The following PCDHB7 variants were observed in gnomAD, a reference collection of about 807,000 sequenced individuals.
PCDHB7 encodes protocadherin beta 7.
For synonymous variants in PCDHB7, 542 were observed against 463.1 expected (o/e 1.17, Z -2.19); for missense variants, 1,148 against 1,011.6 (o/e 1.13, Z -1.83).
rs1554279961 is a variant in PCDHB7, at chr5:141,173,329, A to ACAGCCTGAGTAACTACACCAT, written c.500_520dup (p.Leu167_Ser173dup). Reference sequence around the variant, plus strand: ...GCACAGGATTCAGATGTTGGAACCAACAGCCTGAGTAACTACACCATCAGC... The same window carrying ACAGCCTGAGTAACTACACCAT: ...GCACAGGATTCAGATGTTGGAACCAACAGCCTGAGTAACTACACCATCAGCCTGAGTAACTACACCATCAGC... On this transcript the variant is annotated inframe_insertion, in exon 1 of 1. Transcript: ENST00000231137. 3.7e-6 allele frequency: 6 copies of ACAGCCTGAGTAACTACACCAT among 1,614,022 alleles called. No individual in the cohort carries two copies. Among genetic ancestry groups the ACAGCCTGAGTAACTACACCAT allele is most frequent in the Non-Finnish European group, 5.1e-6 (6 of 1,179,930 alleles).
rs1554280511 is a variant in PCDHB7 at position 141,175,337 on chromosome 5, T to G, written c.*120T>G. On this transcript the variant is annotated 3_prime_UTR_variant, in exon 1 of 1. Coordinates refer to ENST00000231137, the MANE Select transcript of PCDHB7 (RefSeq NM_018940.4). ...AATATGTACTCTTGAAGTCAAGCAA[T>G]AAATTTCTATACATAAAATAGGATC... 13 of 1,069,482 alleles carry G rather than the reference T, an allele frequency of 1.2e-5. No individual in the cohort carries two copies. The highest frequency in any genetic ancestry group is 1.7e-5 in the Non-Finnish European group (13 of 755,514). The allele number at this position is 1,069,482 out of a possible 1,614,324, so 66.2% of individuals were successfully genotyped here.
At position 141,175,148 on chromosome 5, in the gene PCDHB7, C is replaced by T; in HGVS notation, c.2313C>T (p.Asn771=). Residue 771 remains asparagine (N), a synonymous_variant, in exon 1 of 1, where the codon AAC becomes AAT. Transcript: ENST00000231137. The part of the protein sequence containing the change: ...EFKFLKPIIP[N]LLPQSTGREV... ...AGTTTCTGAAACCAATTATCCCCAACCTGCTACCCCAGAGCACAGGCAGGG... is the reference window on the plus strand; with the variant it reads ...AGTTTCTGAAACCAATTATCCCCAATCTGCTACCCCAGAGCACAGGCAGGG... 3 of 1,614,212 alleles carry T rather than the reference C, an allele frequency of 1.9e-6. No homozygotes were observed. The highest frequency in any genetic ancestry group is 2.5e-6 in the Non-Finnish European group (3 of 1,180,028).
chr5:141,174,794 G>T lies in PCDHB7; in HGVS notation c.1959G>T (p.Ser653=), dbSNP rs782262598. 1 of 1,611,268 alleles carries T rather than the reference G, an allele frequency of 6.2e-7. No homozygotes were observed. Among genetic ancestry groups the T allele is most frequent in the Non-Finnish European group, 8.5e-7 (1 of 1,179,674 alleles). The change falls in exon 1 of 1, where the codon TCG becomes TCT. Residue 653 remains serine, a synonymous_variant. Transcript: ENST00000231137. ...AGGACAATGGCGAGCCTCCGCGCTC[G>T]GCCACCGCCACGCTGCACGTGCTCC... ...LVKDNGEPPR[S]ATATLHVLLV...
rs781807802 is a variant in PCDHB7, at chr5:141,172,847, A to T, written c.12A>T (p.Arg4Ser). ...TGATCCAAAGAAGAATGGAGGCCAG[A>T]GTGGAGCGTGCTGTGCAGAAAAGGC... is the stretch of plus-strand genomic sequence containing the variant. MEA[R>S]VERAVQKRQV... Residue 4 changes from arginine to serine, a missense_variant, in exon 1 of 1, where the codon AGA becomes AGT. Transcript: ENST00000231137. 4 of 1,611,662 alleles carry T rather than the reference A, an allele frequency of 2.5e-6. No homozygotes were observed. In the Admixed American group the frequency reaches 5.0e-5, roughly 20 times the overall value.
At position 141,174,707 on chromosome 5, in the gene PCDHB7, G is replaced by T. The variant is rs144344878; in HGVS notation, c.1872G>T (p.Val624=). 2,609 of 1,610,882 alleles carry T rather than the reference G, an allele frequency of 1.6e-3. 47 individuals carry two copies. The African/African-American group carries it at 0.032, about 20-fold the overall frequency. ...LFGVWAHNGE[V]RTARLLSERD... ...GCGTGTGGGCGCACAATGGCGAGGT[G>T]CGTACCGCCAGGCTGCTGAGCGAGC... is the stretch of plus-strand genomic sequence containing the variant. Residue 624 remains valine (V), a synonymous_variant, in exon 1 of 1, where the codon GTG becomes GTT. Transcript: ENST00000231137.
rs150314773 is a variant in PCDHB7 at position 141,174,944 on chromosome 5, G to T, written c.2109G>T (p.Val703=). 488 of 1,610,400 alleles carry T rather than the reference G, an allele frequency of 3.0e-4. No homozygotes were observed. Among genetic ancestry groups the T allele is most frequent in the Middle Eastern group, 3.6e-4 (2 of 5,512 alleles). The change falls in exon 1 of 1, where the codon GTG becomes GTT. Residue 703 remains valine (V), a synonymous_variant. Coordinates refer to ENST00000231137, the MANE Select transcript of PCDHB7 (RefSeq NM_018940.4). ...ASVSSLFLLS[V]LLFVAVRLCR... is the part of the protein sequence containing the mutation. Reference sequence around the variant, plus strand: ...TGTCTTCGCTCTTCCTCCTCTCGGTGCTCCTGTTCGTGGCGGTGCGGCTGT... The same window carrying T: ...TGTCTTCGCTCTTCCTCCTCTCGGTTCTCCTGTTCGTGGCGGTGCGGCTGT...
Position 141,174,511 on chromosome 5 carries a change from C to T in PCDHB7, c.1676C>T (p.Pro559Leu), listed in dbSNP as rs1260356459. 3 of 1,610,740 alleles carry T rather than the reference C, an allele frequency of 1.9e-6. No homozygotes were observed. Among genetic ancestry groups the T allele is most frequent in the Admixed American group, 1.7e-5 (1 of 59,914 alleles). The change falls in exon 1 of 1, where the codon CCC (proline) becomes CTC (leucine). Residue 559 changes from proline (P) to leucine (L), a missense_variant. By Grantham distance (98) the Pro-to-Leu change is moderately conservative. Coordinates refer to ENST00000231137, the MANE Select transcript of PCDHB7 (RefSeq NM_018940.4). ...GTGCTGGACGCCAACGACAACTCGC[C>T]CTTCGTGCTGTACCCGCTGCAGAAC... The part of the protein sequence containing the change: ...VLVLDANDNS[P>L]FVLYPLQNSS...
rs377570891 is a variant in PCDHB7, at chr5:141,173,071, C to A, written c.236C>A (p.Ser79Ter). The A allele has an allele frequency of 1.8e-5, 29 of 1,614,018 alleles. No homozygotes were observed. The South Asian group carries it at 2.0e-4, about 11-fold the overall frequency. ...DQNMQILLLS[S>*]LTGDLLLNEK... ...AACATGCAAATTTTACTGCTCAGTT[C>A]GCTTACTGGTGATCTACTTCTAAAT... The change falls in exon 1 of 1, where the codon TCG becomes TAG. Residue 79 changes from serine to a stop codon, truncating the protein, a stop_gained. Coordinates refer to ENST00000231137, the MANE Select transcript of PCDHB7 (RefSeq NM_018940.4). LOFTEE classifies it low-confidence loss of function (END_TRUNC).
Position 141,174,854 on chromosome 5 carries a change from C to A in PCDHB7, c.2019C>A (p.Leu673=). Residue 673 remains leucine, a synonymous_variant, in exon 1 of 1, where the codon CTC becomes CTA. Coordinates refer to ENST00000231137, the MANE Select transcript of PCDHB7 (RefSeq NM_018940.4). The stretch of plus-strand genomic sequence containing the variant: ...GCTTCTCCCAGCCCTACCTGCGGCT[C>A]CCGGAGGCGGCCCCGGACCAGGCCA... ...VDGFSQPYLR[L]PEAAPDQANS... is the part of the protein sequence containing the mutation. 6.2e-7 allele frequency: 1 copy of A among 1,612,680 alleles called. No individual in the cohort carries two copies. Among genetic ancestry groups the A allele is most frequent in the Non-Finnish European group, 8.5e-7 (1 of 1,179,832 alleles).
Position 141,174,424 on chromosome 5 carries a change from G to A in PCDHB7, c.1589G>A (p.Arg530His). The A allele has an allele frequency of 6.2e-7, 1 of 1,612,096 alleles. No homozygotes were observed. Among genetic ancestry groups the A allele is most frequent in the East Asian group, 2.2e-5 (1 of 44,844 alleles). ...DYEALQAFEF[R>H]VGATDRGSPA... ...GAGGCCCTGCAGGCGTTCGAGTTCC[G>A]CGTGGGCGCCACAGACCGCGGCTCC... is the stretch of plus-strand genomic sequence containing the variant. The change falls in exon 1 of 1, where the codon CGC becomes CAC. Residue 530 changes from arginine to histidine, a missense_variant. Coordinates refer to ENST00000231137, the MANE Select transcript of PCDHB7 (RefSeq NM_018940.4).
In PCDHB7 at chr5:141,174,277, G is replaced by C. The variant is rs782380277; in HGVS notation, c.1442G>C (p.Gly481Ala). ...GSVSATDRDS[G>A]TNAQVIYSLL... is the part of the protein sequence containing the mutation. ...GTCAGCGCCACAGACAGAGACTCGGGCACCAACGCCCAGGTCATCTACTCC... is the reference window on the plus strand; with the variant it reads ...GTCAGCGCCACAGACAGAGACTCGGCCACCAACGCCCAGGTCATCTACTCC... Residue 481 changes from glycine to alanine, a missense_variant, in exon 1 of 1, where the codon GGC (glycine) becomes GCC (alanine). Gly to Ala is a moderately conservative substitution (Grantham distance 60). Coordinates refer to ENST00000231137, the MANE Select transcript of PCDHB7 (RefSeq NM_018940.4). 1.9e-6 allele frequency: 3 copies of C among 1,612,446 alleles called. No individual in the cohort carries two copies. In the South Asian group the frequency reaches 3.3e-5, roughly 18 times the overall value.
At position 141,175,274 on chromosome 5, in the gene PCDHB7, G is replaced by C. The variant is rs572120438; in HGVS notation, c.*57G>C. ...ATACGTTTCTGATTAGGAACTTATT[G>C]CGAGGTTCCCTTAAGGGAGTGTCTT... On this transcript the variant is annotated 3_prime_UTR_variant, in exon 1 of 1. Coordinates refer to ENST00000231137, the MANE Select transcript of PCDHB7 (RefSeq NM_018940.4). 37 of 1,496,342 alleles carry C rather than the reference G, an allele frequency of 2.5e-5. No homozygotes were observed. Among genetic ancestry groups the C allele is most frequent in the Middle Eastern group, 1.8e-4 (1 of 5,608 alleles). 92.7% of individuals were successfully genotyped at this position (1,496,342 alleles called of 1,614,324 possible).
chr5:141,172,652 G>A lies in PCDHB7; in HGVS notation c.-184G>A, dbSNP rs1466310296. Reference sequence around the variant, plus strand: ...AGGATGTTACAGATTCCAGAGCAAAGAGGCAATCTGAAGAGAAAAGCATAG... The same window carrying A: ...AGGATGTTACAGATTCCAGAGCAAAAAGGCAATCTGAAGAGAAAAGCATAG... On this transcript the variant is annotated 5_prime_UTR_variant, in exon 1 of 1. Coordinates refer to ENST00000231137, the MANE Select transcript of PCDHB7 (RefSeq NM_018940.4). The A allele has an allele frequency of 7.5e-6, 4 of 535,182 alleles. No homozygotes were observed. The highest frequency in any genetic ancestry group is 1.9e-5 in the African/African-American group (1 of 52,630). 33.2% of individuals were successfully genotyped at this position (535,182 alleles called of 1,614,324 possible).
Position 141,174,056 on chromosome 5 carries a change from A to G in PCDHB7, c.1221A>G (p.Lys407=), listed in dbSNP as rs142786900. ...VENFYTLVTE[K]PLDRERNTEY... is the part of the protein sequence containing the mutation. ...ACTTCTATACTCTGGTAACAGAGAA[A>G]CCTTTGGATCGAGAGAGGAACACTG... is the stretch of plus-strand genomic sequence containing the variant. Residue 407 remains lysine (K), a synonymous_variant, in exon 1 of 1, where the codon AAA becomes AAG. Transcript: ENST00000231137. 5.7e-5 allele frequency: 92 copies of G among 1,613,924 alleles called. No individual in the cohort carries two copies. Among genetic ancestry groups the G allele is most frequent in the Non-Finnish European group, 7.6e-6 (9 of 1,179,928 alleles).
chr5:141,173,575 A>G lies in PCDHB7; in HGVS notation c.740A>G (p.Tyr247Cys), dbSNP rs782086192. The G allele has an allele frequency of 6.1e-5, 98 of 1,613,964 alleles. No individual in the cohort carries two copies. Among genetic ancestry groups the G allele is most frequent in the Non-Finnish European group, 8.1e-5 (96 of 1,180,010 alleles). Residue 247 changes from tyrosine to cysteine, a missense_variant, in exon 1 of 1, where the codon TAC becomes TGC. Tyr to Cys is a radical substitution (Grantham distance 194). Coordinates refer to ENST00000231137, the MANE Select transcript of PCDHB7 (RefSeq NM_018940.4). ...GCCCCTGATTTTGTGCGGTCGCTCT[A>G]CAAGGTGCAGGTGCCCGAAAATAGC... is the stretch of plus-strand genomic sequence containing the variant. Reference protein sequence around the residue: ...DNAPDFVRSLYKVQVPENSPV... With the variant: ...DNAPDFVRSLCKVQVPENSPV...
Position 141,173,905 on chromosome 5 carries a change from C to G in PCDHB7, c.1070C>G (p.Ala357Gly), listed in dbSNP as rs1753286538. The G allele has an allele frequency of 6.2e-7, 1 of 1,612,472 alleles. No individual in the cohort carries two copies. Among genetic ancestry groups the G allele is most frequent in the Non-Finnish European group, 8.5e-7 (1 of 1,178,754 alleles). ...LLLSSLTSPI[A>G]ENSPETVVAV... is the part of the protein sequence containing the mutation. ...CTGTCTTCACTTACTAGCCCAATTG[C>G]AGAAAACTCACCCGAGACAGTCGTG... The change falls in exon 1 of 1, where the codon GCA becomes GGA. Residue 357 changes from alanine (A) to glycine (G), a missense_variant. Transcript: ENST00000231137.
In PCDHB7 at chr5:141,174,444, G is replaced by C. The variant is rs370593305; in HGVS notation, c.1609G>C (p.Gly537Arg). 6.2e-7 allele frequency: 1 copy of C among 1,611,766 alleles called. No homozygotes were observed. Among genetic ancestry groups the C allele is most frequent in the South Asian group, 1.1e-5 (1 of 90,976 alleles). ...GTTCCGCGTGGGCGCCACAGACCGCGGCTCCCCCGCGCTGAGCAGCGAGGC... is the reference window on the plus strand; with the variant it reads ...GTTCCGCGTGGGCGCCACAGACCGCCGCTCCCCCGCGCTGAGCAGCGAGGC... ...FEFRVGATDR[G>R]SPALSSEALV... The change falls in exon 1 of 1, where the codon GGC becomes CGC. Residue 537 changes from glycine (G) to arginine (R), a missense_variant. Transcript: ENST00000231137.
chr5:141,173,649 G>C lies in PCDHB7; in HGVS notation c.814G>C (p.Gly272Arg). ...VSVSARDLDT[G>R]SNGEIAYAFS... ...CGTGTCAGCCAGAGATTTAGATACC[G>C]GAAGTAATGGGGAAATAGCCTATGC... Residue 272 changes from glycine (G) to arginine (R), a missense_variant, in exon 1 of 1, where the codon GGA becomes CGA. Coordinates refer to ENST00000231137, the MANE Select transcript of PCDHB7 (RefSeq NM_018940.4). 1 of 1,614,136 alleles carries C rather than the reference G, an allele frequency of 6.2e-7. No individual in the cohort carries two copies. The highest frequency in any genetic ancestry group is 8.5e-7 in the Non-Finnish European group (1 of 1,180,030).
chr5:141,173,298 G>C lies in PCDHB7; in HGVS notation c.463G>C (p.Glu155Gln). Residue 155 changes from glutamate (E) to glutamine (Q), a missense_variant, in exon 1 of 1, where the codon GAG becomes CAG. Physicochemically the swap from Glu to Gln is conservative, Grantham distance 29 (BLOSUM62 2). Coordinates refer to ENST00000231137, the MANE Select transcript of PCDHB7 (RefSeq NM_018940.4). The part of the protein sequence containing the change: ...STTPGAAFLL[E>Q]SAQDSDVGTN... ...CACTCCAGGGGCGGCATTTCTCCTA[G>C]AGAGTGCACAGGATTCAGATGTTGG... 2 of 1,614,118 alleles carry C rather than the reference G, an allele frequency of 1.2e-6. No individual in the cohort carries two copies. Among genetic ancestry groups the C allele is most frequent in the South Asian group, 2.2e-5 (2 of 91,082 alleles).
Sources: gnomAD v4.1 joint callset for allele counts on GRCh38, gnomAD v4.1.1 for gene constraint, MANE v1.5 for transcripts, NCBI Gene and HGNC (gene_info 2026-07-23, HGNC 2026-07-21) for gene names.